Variants in IFI16 observed in about 807,000 individuals in gnomAD.
The protein encoded by IFI16 is gamma-interferon-inducible protein 16.
In IFI16, 49 loss-of-function variants were observed where a neutral mutation model predicts 68.4. The observed-to-expected ratio is 0.72, with a 90% CI of 0.57 to 0.91. The LOEUF is 0.91. Among genes scored for constraint, IFI16 ranks in the 40% least tolerant of loss-of-function variants. The pLI, the probability that IFI16 is intolerant of heterozygous loss-of-function variation, is 0.00. For missense variants in IFI16, 878 were observed against 942.9 expected (o/e 0.93, Z 0.90); for synonymous variants, 307 against 315.0 (o/e 0.97, Z 0.27).
Position 159,018,550 on chromosome 1 carries a change from C to A in IFI16, c.871C>A (p.Pro291Thr). ...EAGPNQTFEV[P>T]NKIINRAKET... The stretch of plus-strand genomic sequence containing the variant: ...TGGTCCTAACCAAACGTTTGAGGTT[C>A]CAAATAAAATCATCAACAGAGCAAA... Residue 291 changes from proline (P) to threonine (T), a missense_variant, in exon 5 of 12, where the codon CCA becomes ACA. Physicochemically the swap from Pro to Thr is conservative, Grantham distance 38 (BLOSUM62 -1). Transcript: ENST00000295809. 6.2e-7 allele frequency: 1 copy of A among 1,613,638 alleles called. No homozygotes were observed. Among genetic ancestry groups the A allele is most frequent in the Non-Finnish European group, 8.5e-7 (1 of 1,179,604 alleles).
At chr1:159,053,502 T>C in intron 10 of IFI16, 31 bp from the exon 11 acceptor site, 2 of 1,455,712 alleles carry the variant, frequency 1.4e-6, no homozygotes, top group Middle Eastern at 1.8e-4. Flanking sequence ...TGATCCAGTT[T>C]CAGAAGATAA....
intron 6 of IFI16, among the ~76,000 whole-genome samples, chr1:159,023,284 T>G (rs1301176151): frequency 6.6e-6 from 1 of 152,194 alleles, no homozygotes; most frequent in Non-Finnish European, 1.5e-5. Context: ...GAGTTTTAAT[T>G]ATGACACAAA....
At chr1:159,001,868 GA>G (rs1652071659), upstream of IFI16, among the ~76,000 whole-genome samples, 1 of 152,140 alleles carries the variant, frequency 6.6e-6, no homozygotes, top group Non-Finnish European at 1.5e-5. Context: ...TATACCCAAA[GA>G]AAATGCAGAC....
chr1:159,044,258 A>T (rs1010419991), intron 7 of IFI16, among the ~76,000 whole-genome samples: 1 of 152,210 alleles, frequency 6.6e-6, no homozygotes, highest in Non-Finnish European at 1.5e-5. Context: ...CAGGATTCAA[A>T]TGCAGCCTTA....
intron 4 of IFI16, 43 bp downstream of exon 4, chr1:159,016,743 CAAAGT>C (rs1215986432): frequency 3.2e-6 from 5 of 1,553,010 alleles, no homozygotes; most frequent in African/African-American, 1.4e-5. Context: ...TTTTTCAACC[CAAAGT>C]AAAGGACTGA....
intron 8 of IFI16, among the ~76,000 whole-genome samples, chr1:159,048,676 G>A (rs552247934): frequency 1.3e-5 from 2 of 151,568 alleles, no homozygotes; most frequent in African/African-American, 4.8e-5. Flanking sequence ...TTAGGTTACT[G>A]AATGGCAAAA....
chr1:159,023,276 G>A (rs753033524), intron 6 of IFI16, among the ~76,000 whole-genome samples: 1 of 152,128 alleles, frequency 6.6e-6, no homozygotes, highest in Non-Finnish European at 1.5e-5. Context: ...ATAACATTGA[G>A]TTTTAATTAT....
chr1:159,052,717 C>T (rs1050650271), intron 10 of IFI16: 5 of 151,200 alleles, frequency 3.3e-5, no homozygotes, highest in South Asian at 4.2e-4. Context: ...AAAAAAGTCA[C>T]GTAGCTTAAC....
At position 159,020,406 on chromosome 1, in the gene IFI16, G is replaced by A. The variant is rs1303308408; in HGVS notation, c.1038G>A (p.Val346=). ...IQDDRGKMDV[V]GTGQCHNIPC... is the part of the protein sequence containing the mutation. ...ATGATAGAGGAAAAATGGATGTAGT[G>A]GGGACAGGACAATGTCACAATATCC... The change falls in exon 6 of 12, where the codon GTG becomes GTA. Residue 346 remains valine (V), a synonymous_variant. Coordinates refer to ENST00000295809, the MANE Select transcript of IFI16 (RefSeq NM_001376587.1). 6.2e-7 allele frequency: 1 copy of A among 1,612,750 alleles called. No homozygotes were observed.
At chr1:159,018,695 T>G in intron 5 of IFI16, 44 bp downstream of exon 5, 1 of 1,364,242 alleles carries the variant, frequency 7.3e-7, no homozygotes, top group Non-Finnish European at 1.0e-6. Context: ...CACCAACACC[T>G]GAAATTAAAA....
chr1:159,029,176 G>C (rs1653845680), intron 6 of IFI16, among the ~76,000 whole-genome samples: 1 of 152,154 alleles, frequency 6.6e-6, no homozygotes, highest in Admixed American at 6.5e-5. Flanking sequence ...AGCAGTTCTT[G>C]TAATGCTGGC....
At chr1:159,041,353 T>C (rs751106631) in intron 7 of IFI16, among the ~76,000 whole-genome samples, 1 of 152,158 alleles carries the variant, frequency 6.6e-6, no homozygotes, top group Non-Finnish European at 1.5e-5. Context: ...CTTGACGATT[T>C]CAGTTTGCCT....
At chr1:159,048,906 C>T (rs544385031) in intron 8 of IFI16, among the ~76,000 whole-genome samples, 1 of 151,608 alleles carries the variant, frequency 6.6e-6, no homozygotes, top group East Asian at 1.9e-4. Context: ...CTGATCCACA[C>T]TGTAGTGATC....
intron 9 of IFI16, 29 bp from the exon 10 acceptor site, chr1:159,051,650 T>G (rs760437560): frequency 6.4e-7 from 1 of 1,568,038 alleles, no homozygotes; most frequent in Non-Finnish European, 8.7e-7. Context: ...GTTTTAATTG[T>G]GCCTATGTTT....
chr1:159,046,688 A>G (rs1227688377), intron 8 of IFI16, among the ~76,000 whole-genome samples: 1 of 151,006 alleles, frequency 6.6e-6, no homozygotes, highest in Admixed American at 6.6e-5. Flanking sequence ...TTCCTTTGAT[A>G]TCAAATTTTT....
intron 7 of IFI16, among the ~76,000 whole-genome samples, chr1:159,041,904 G>A (rs12098223): frequency 0.16 from 25,068 of 152,134 alleles, 2,392 homozygotes; most frequent in East Asian, 0.3. Context: ...CTTCAAAGAC[G>A]TAAGTGAATA....
upstream of IFI16, among the ~76,000 whole-genome samples, chr1:159,003,696 T>C (rs1321266391): frequency 1.3e-5 from 2 of 152,172 alleles, no homozygotes; most frequent in African/African-American, 4.8e-5. Context: ...GGTCTCGCTT[T>C]GTCGCCCAGG....
chr1:159,030,876 T>TAG (rs60567074), intron 6 of IFI16, among the ~76,000 whole-genome samples: 18,056 of 148,560 alleles, frequency 0.12, 2,307 homozygotes, highest in African/African-American at 0.33. Context: ...AGGTGGTGGG[T>TAG]GGGGGGGCCA....
chr1:159,017,859 C>T (rs769973588), intron 4 of IFI16, among the ~76,000 whole-genome samples: 13 of 152,312 alleles, frequency 8.5e-5, no homozygotes, highest in Middle Eastern at 3.4e-3. Flanking sequence ...CCACCCGCCT[C>T]GGCGTTTCAA....
Sources: allele counts gnomAD v4.1 joint callset (sites outside exome capture counted in the v4.1 genomes callset), GRCh38; gene constraint gnomAD v4.1.1; transcripts MANE v1.5; gene names NCBI Gene and HGNC (gene_info 2026-07-23, HGNC 2026-07-21).